PDCL: variants seen among roughly 807,000 people sequenced by gnomAD.
The protein encoded by PDCL is phosducin-like protein.
PDCL carries 11 observed loss-of-function variants against 26.7 expected under a neutral mutation model. The observed-to-expected ratio is 0.41, with a 90% confidence interval of 0.26 to 0.68. PDCL has a LOEUF of 0.68. Among genes scored for constraint, PDCL ranks in the 30% least tolerant of loss-of-function variants. PDCL has a pLI of 0.30. For synonymous variants in PDCL, 118 were observed against 134.9 expected, an observed-to-expected ratio of 0.87 and a Z score of 0.87; for missense variants, 330 against 371.6, an observed-to-expected ratio of 0.89 and a Z score of 0.92.
At chr9:122,820,735 G>C (rs1342302609) in intron 3 of PDCL, 99 bp from the exon 4 acceptor site, 1 of 964,986 alleles carries the variant, frequency 1.0e-6, no homozygotes. Flanking sequence ...TGTAATCCTA[G>C]CACTTTGGGA....
chr9:122,826,777 A>T lies in PDCL; in HGVS notation c.11T>A (p.Leu4His), dbSNP rs1275920619. 5 of 1,613,992 alleles carry T rather than the reference A, an allele frequency of 3.1e-6. No homozygotes were observed. The highest frequency in any genetic ancestry group is 4.2e-6 in the Non-Finnish European group (5 of 1,179,954). ...TTTCTCCCCCAGCAACTTATCATCA[A>T]GGGTGGTCATGGTGTCTGGAAAAAG... MTTLDDKLLGEKLQ... is the reference protein window; with the variant it reads MTTHDDKLLGEKLQ... Residue 4 changes from leucine (L) to histidine (H), a missense_variant, in exon 2 of 4, where the codon CTT becomes CAT. By Grantham distance (99) the Leu-to-His change is moderately conservative. Coordinates refer to ENST00000259467, the MANE Select transcript of PDCL (RefSeq NM_005388.5).
chr9:122,824,501 T>G (rs768146686), intron 2 of PDCL, among the ~76,000 whole-genome samples: 1 of 152,232 alleles, frequency 6.6e-6, no homozygotes, highest in East Asian at 1.9e-4. Context: ...AGGGCTGCCA[T>G]TGACCTACAG....
chr9:122,826,863 G>T, intron 1 of PDCL, 71 bp from the exon 2 acceptor site: 1 of 1,374,654 alleles, frequency 7.3e-7, no homozygotes, highest in Non-Finnish European at 1.0e-6. Context: ...AGCATAGGGG[G>T]CTCGCCTGTG....
chr9:122,822,962 C>T, intron 3 of PDCL, 54 bp downstream of exon 3: 1 of 1,499,682 alleles, frequency 6.7e-7, no homozygotes, highest in South Asian at 1.1e-5. Context: ...AATCACTCAC[C>T]CAGCTCTAGC....
chr9:122,823,830 C>T (rs1425760548), intron 2 of PDCL, among the ~76,000 whole-genome samples: 9 of 147,222 alleles, frequency 6.1e-5, no homozygotes, highest in South Asian at 2.1e-4. Flanking sequence ...GGTGCAATGG[C>T]GCGATCTCGG....
chr9:122,825,568 CATAAAA>C (rs1476204424), intron 2 of PDCL, among the ~76,000 whole-genome samples: 1 of 152,052 alleles, frequency 6.6e-6, no homozygotes, highest in South Asian at 2.1e-4. Context: ...CTTTTAAGTA[CATAAAA>C]ATAAAATTTT....
In PDCL at chr9:122,820,146, A is replaced by C. The variant is rs764724315; in HGVS notation, c.845T>G (p.Leu282Arg). Residue 282 changes from leucine (L) to arginine (R), a missense_variant, in exon 4 of 4, where the codon CTG becomes CGG. Transcript: ENST00000259467. ...GLLPEKEVLV[L>R]TSVRNSATCH... is the part of the protein sequence containing the mutation. ...CGTGGCAGAGTTACGCACAGATGTC[A>C]GCACCAAGACTTCCTTTTCTGGGAG... 1 of 1,614,172 alleles carries C rather than the reference A, an allele frequency of 6.2e-7. No individual in the cohort carries two copies. Among genetic ancestry groups the C allele is most frequent in the East Asian group, 2.2e-5 (1 of 44,894 alleles).
chr9:122,820,359 G>A lies in PDCL; in HGVS notation c.632C>T (p.Ala211Val), dbSNP rs1417141338. Residue 211 changes from alanine (A) to valine (V), a missense_variant, in exon 4 of 4, where the codon GCT becomes GTT. Transcript: ENST00000259467. ...CMICLAAEYP[A>V]VKFCKVKSSV... ...GCTCTTCACCTTGCAGAACTTGACA[G>A]CTGGGTACTCTGCGGCAAGGCAGAT... is the stretch of plus-strand genomic sequence containing the variant. 1 of 1,614,196 alleles carries A rather than the reference G, an allele frequency of 6.2e-7. No homozygotes were observed. Among genetic ancestry groups the A allele is most frequent in the Non-Finnish European group, 8.5e-7 (1 of 1,180,042 alleles).
intron 2 of PDCL, among the ~76,000 whole-genome samples, chr9:122,824,195 T>C (rs1432744250): frequency 6.6e-6 from 1 of 152,246 alleles, no homozygotes; most frequent in Non-Finnish European, 1.5e-5. Flanking sequence ...TGCACCTTGC[T>C]ATGTGACTTG....
At chr9:122,826,471 C>T (rs1161310730) in intron 2 of PDCL, 145 bp downstream of exon 2, 1 of 632,722 alleles carries the variant, frequency 1.6e-6, no homozygotes, top group Non-Finnish European at 2.5e-6. Flanking sequence ...TAGAAGCACA[C>T]ATAATGAAAA....
intron 3 of PDCL, among the ~76,000 whole-genome samples, chr9:122,821,101 A>G (rs1006488750): frequency 3.3e-5 from 5 of 152,158 alleles, no homozygotes; most frequent in African/African-American, 1.2e-4. Flanking sequence ...ACTGAATTCC[A>G]TAACTCCATC....
At chr9:122,826,895 G>A in intron 1 of PDCL, 103 bp from the exon 2 acceptor site, 2 of 1,019,948 alleles carry the variant, frequency 2.0e-6, no homozygotes, top group Non-Finnish European at 2.9e-6. Context: ...CAATTTCCAG[G>A]ACACTAAAGT....
At chr9:122,823,806 G>A (rs1183758703) in intron 2 of PDCL, among the ~76,000 whole-genome samples, 1 of 134,348 alleles carries the variant, frequency 7.4e-6, no homozygotes, top group Non-Finnish European at 1.5e-5. Flanking sequence ...GTCTTGCTCT[G>A]TGGCCCAGGC....
intron 3 of PDCL, among the ~76,000 whole-genome samples, chr9:122,821,071 C>G (rs1374876513): frequency 1.3e-5 from 2 of 152,062 alleles, no homozygotes; most frequent in African/African-American, 4.8e-5. Flanking sequence ...ATGCTAAGTA[C>G]TTTACATGCA....
At chr9:122,821,241 A>C (rs1224753465) in intron 3 of PDCL, among the ~76,000 whole-genome samples, 3 of 152,162 alleles carry the variant, frequency 2.0e-5, no homozygotes, top group Non-Finnish European at 4.4e-5. Flanking sequence ...TTTTAACTAC[A>C]ATATCACATT....
rs1588034313 is a variant in PDCL, at chr9:122,819,992, C to T, written c.*93G>A. On this transcript the variant is annotated 3_prime_UTR_variant, in exon 4 of 4. Coordinates refer to ENST00000259467, the MANE Select transcript of PDCL (RefSeq NM_005388.5). ...GCATAATAAAAGGGACTACAAAGAA[C>T]AGCTGAAAAGCCAGAAGACAAAGGA... is the stretch of plus-strand genomic sequence containing the variant. 2.9e-6 allele frequency: 3 copies of T among 1,046,308 alleles called. No individual in the cohort carries two copies. The highest frequency in any genetic ancestry group is 3.2e-5 in the South Asian group (2 of 61,628). 64.8% of individuals were successfully genotyped at this position (1,046,308 alleles called of 1,614,324 possible). A position where few individuals can be genotyped will look rare whatever the true frequency, so the allele number is the denominator to read the frequency against.
At chr9:122,823,918 C>T (rs762324926) in intron 2 of PDCL, among the ~76,000 whole-genome samples, 1 of 151,982 alleles carries the variant, frequency 6.6e-6, no homozygotes. Context: ...TACAGGCATG[C>T]GCCACCATGC....
intron 3 of PDCL, among the ~76,000 whole-genome samples, chr9:122,821,787 CAA>C (rs1194837605): frequency 6.6e-6 from 1 of 152,042 alleles, no homozygotes; most frequent in Non-Finnish European, 1.5e-5. Flanking sequence ...GCACAATGCC[CAA>C]GAGACAGCTT....
intron 3 of PDCL, among the ~76,000 whole-genome samples, chr9:122,821,336 C>CTT (rs139852049): frequency 6.6e-6 from 1 of 151,202 alleles, no homozygotes; most frequent in Admixed American, 6.6e-5. Context: ...ATTTTATCTA[C>CTT]TTTTTTTTTG....
Sources: allele counts gnomAD v4.1 joint callset (sites outside exome capture counted in the v4.1 genomes callset), GRCh38; gene constraint gnomAD v4.1.1; transcripts MANE v1.5; gene names NCBI Gene and HGNC (gene_info 2026-07-23, HGNC 2026-07-21).